INTS4: variants seen among roughly 807,000 people sequenced by gnomAD.
The protein encoded by INTS4 is integrator complex subunit 4.
INTS4 carries 70 observed loss-of-function variants against 119.5 expected under a neutral mutation model. That is an observed-to-expected ratio of 0.59 (90% CI 0.48 to 0.71). INTS4 has a LOEUF of 0.71. Among genes scored for constraint, INTS4 ranks in the 30% least tolerant of loss-of-function variants. The pLI is 0.00. For missense variants in INTS4, 867 were observed against 1,173.2 expected, an observed-to-expected ratio of 0.74 and a Z score of 3.81; for synonymous variants, 316 against 419.6, an observed-to-expected ratio of 0.75 and a Z score of 3.02.
intron 2 of INTS4, among the ~76,000 whole-genome samples, chr11:77,982,698 C>G (rs1856296381): frequency 6.6e-6 from 1 of 152,064 alleles, no homozygotes; most frequent in African/African-American, 2.4e-5. Context: ...ATACCTGACA[C>G]TGAAAAGATC....
chr11:77,920,234 T>TATATATACAC (rs1953317845), intron 14 of INTS4, among the ~76,000 whole-genome samples: 1 of 47,602 alleles, frequency 2.1e-5, no homozygotes, highest in African/African-American at 1.0e-4. Flanking sequence ...TATACATACA[T>TATATATACAC]ATATACATAT....
chr11:77,921,248 T>A, intron 14 of INTS4, 92 bp downstream of exon 14: 1 of 1,342,362 alleles, frequency 7.4e-7, no homozygotes, highest in Non-Finnish European at 1.0e-6. Context: ...CTGGGCAACA[T>A]AACAAGACCC....
intron 10 of INTS4, among the ~76,000 whole-genome samples, chr11:77,934,406 A>AAAC: frequency 6.6e-6 from 1 of 151,754 alleles, no homozygotes; most frequent in East Asian, 1.9e-4. Context: ...AAAAAAAAAA[A>AAAC]AAAAAGAATG....
At chr11:77,984,546 G>A (rs1380192400) in intron 2 of INTS4, among the ~76,000 whole-genome samples, 1 of 151,484 alleles carries the variant, frequency 6.6e-6, no homozygotes, top group African/African-American at 2.4e-5. Flanking sequence ...GCTGGAGGTG[G>A]GGGTGATGGA....
rs189336298 is a variant in INTS4 at position 77,988,637 on chromosome 11, G to A, written c.246+2471C>T. On this transcript the variant is annotated intron_variant, in intron 2 of 22. Coordinates refer to ENST00000534064, the MANE Select transcript of INTS4 (RefSeq NM_033547.4). ...GGGTAAAGGAAGACCTCAATGTAAC[G>A]GTGACATTTGCATGCTGATAGCTGC... is the stretch of plus-strand genomic sequence containing the variant. 5.9e-5 allele frequency among the ~76,000 whole-genome samples: 9 copies of A among 152,242 alleles called. No individual in the cohort carries two copies. The East Asian group carries it at 7.7e-4, about 13-fold the overall frequency.
At chr11:77,931,208 A>C (rs1200323772) in intron 10 of INTS4, among the ~76,000 whole-genome samples, 1 of 152,242 alleles carries the variant, frequency 6.6e-6, no homozygotes, top group African/African-American at 2.4e-5. Flanking sequence ...AAAAGAAAGA[A>C]AAAGACCTTT....
At chr11:77,982,665 C>T (rs1856294499) in intron 2 of INTS4, among the ~76,000 whole-genome samples, 2 of 152,004 alleles carry the variant, frequency 1.3e-5, no homozygotes, top group Admixed American at 1.3e-4. Flanking sequence ...TTGTTCACTG[C>T]CATATCTCAA....
At chr11:77,975,637 C>A (rs924709276) in intron 4 of INTS4, among the ~76,000 whole-genome samples, 11 of 152,030 alleles carry the variant, frequency 7.2e-5, no homozygotes, top group African/African-American at 2.7e-4. Context: ...CTGCCATTGA[C>A]AAACAGTTGC....
intron 4 of INTS4, chr11:77,978,472 G>A (rs1380532620): frequency 3.3e-5 from 5 of 152,176 alleles, no homozygotes; most frequent in African/African-American, 1.2e-4. Flanking sequence ...CACAATTAAT[G>A]TATTAATACA....
At chr11:77,976,558 C>T (rs1395452116) in intron 4 of INTS4, among the ~76,000 whole-genome samples, 1 of 152,164 alleles carries the variant, frequency 6.6e-6, no homozygotes, top group Non-Finnish European at 1.5e-5. Flanking sequence ...CCATTTGACC[C>T]AGCAATCCCA....
rs759138621 is a variant in INTS4, at chr11:77,928,331, G to A, written c.1371+11C>T. The A allele has an allele frequency of 1.2e-6, 2 of 1,612,790 alleles. No homozygotes were observed. Among genetic ancestry groups the A allele is most frequent in the Non-Finnish European group, 1.7e-6 (2 of 1,179,324 alleles). ...GGATGAAGAAATGAGTAACAAATTAGAAACACTCACCTCTAGCACAGCCAG... is the reference window on the plus strand; with the variant it reads ...GGATGAAGAAATGAGTAACAAATTAAAAACACTCACCTCTAGCACAGCCAG... On this transcript the variant is annotated intron_variant, in intron 11 of 22. Transcript: ENST00000534064.
chr11:77,994,394 T>C (rs1856816782), intron 1 of INTS4, among the ~76,000 whole-genome samples, 196 bp downstream of exon 1: 1 of 152,202 alleles, frequency 6.6e-6, no homozygotes, highest in Non-Finnish European at 1.5e-5. Flanking sequence ...TTTTTTAAAA[T>C]CCTGTCAGAC....
chr11:77,990,078 G>A (rs1856608507), intron 2 of INTS4, among the ~76,000 whole-genome samples: 2 of 151,878 alleles, frequency 1.3e-5, no homozygotes, highest in Non-Finnish European at 2.9e-5. Flanking sequence ...AATTAGCTGG[G>A]TGTGGTGTCA....
At chr11:77,930,823 AAG>A (rs1332974608) in intron 10 of INTS4, among the ~76,000 whole-genome samples, 1 of 152,170 alleles carries the variant, frequency 6.6e-6, no homozygotes, top group Non-Finnish European at 1.5e-5. Flanking sequence ...CTATAAAAAA[AAG>A]TTAATTAAAA....
chr11:77,922,276 A>ACTAC (rs1953382525), intron 13 of INTS4, 80 bp downstream of exon 13: 1 of 1,490,604 alleles, frequency 6.7e-7, no homozygotes, highest in Admixed American at 2.8e-5. Flanking sequence ...GAAAATTCAG[A>ACTAC]CTACCCTAGC....
downstream of INTS4, chr11:77,876,998 C>T (rs1484655799): frequency 2.8e-6 from 2 of 703,158 alleles, no homozygotes; most frequent in Non-Finnish European, 5.2e-6. Context: ...GGCTGTGGTA[C>T]AATTCCACCT....
rs1004142385 is a variant in INTS4, at chr11:77,918,700, G to A, written c.1922+121C>T. 8.8e-5 allele frequency: 119 copies of A among 1,351,728 alleles called. No individual in the cohort carries two copies. In the African/African-American group the frequency reaches 9.8e-4, roughly 11 times the overall value. 83.7% of individuals were successfully genotyped at this position (1,351,728 alleles called of 1,614,324 possible). On this transcript the variant is annotated intron_variant, in intron 15 of 22. Transcript: ENST00000534064. ...CCAAATATAAACAGACCATAAAACCGTGTGTGAATGTAGACCAATAAAGTC... is the reference window on the plus strand; with the variant it reads ...CCAAATATAAACAGACCATAAAACCATGTGTGAATGTAGACCAATAAAGTC...
At chr11:77,889,137 G>T (rs1464481224) in intron 21 of INTS4, among the ~76,000 whole-genome samples, 1 of 152,134 alleles carries the variant, frequency 6.6e-6, no homozygotes, top group African/African-American at 2.4e-5. Flanking sequence ...TATGTTTATT[G>T]CGGCACCACT....
intron 21 of INTS4, among the ~76,000 whole-genome samples, chr11:77,888,228 A>G (rs1358959829): frequency 6.6e-6 from 1 of 152,228 alleles, no homozygotes; most frequent in Non-Finnish European, 1.5e-5. Context: ...AAACAGAGAT[A>G]TAGATCAATG....
Sources: gnomAD v4.1 joint callset for allele counts (sites outside exome capture counted in the v4.1 genomes callset) on GRCh38, gnomAD v4.1.1 for gene constraint, MANE v1.5 for transcripts, NCBI Gene and HGNC (gene_info 2026-07-23, HGNC 2026-07-21) for gene names.